The following IL18RAP variants were observed in gnomAD, a reference collection of about 807,000 sequenced individuals.
IL18RAP encodes the protein interleukin-18 receptor accessory protein.
In IL18RAP, 37 loss-of-function variants were observed where a neutral mutation model predicts 58.1. That is an observed-to-expected ratio of 0.64 (90% CI 0.49 to 0.84). The LOEUF is 0.84. Ranked by LOEUF, IL18RAP falls within the 40% of genes least tolerant of loss-of-function variation. The pLI is 0.00. For missense variants in IL18RAP, 667 were observed against 704.8 expected, an observed-to-expected ratio of 0.95 and a Z score of 0.61; for synonymous variants, 268 against 257.5, an observed-to-expected ratio of 1.04 and a Z score of -0.39.
intron 7 of IL18RAP, among the ~76,000 whole-genome samples, chr2:102,446,228 A>G (rs951604886): frequency 1.3e-5 from 2 of 152,238 alleles, no homozygotes; most frequent in African/African-American, 4.8e-5. Flanking sequence ...CACCCTGATC[A>G]GGAACTGCCC....
upstream of IL18RAP, among the ~76,000 whole-genome samples, chr2:102,419,980 A>G (rs369667171): frequency 6.6e-6 from 1 of 152,248 alleles, no homozygotes; most frequent in Admixed American, 6.5e-5. Flanking sequence ...CCAGTGCTCA[A>G]TAAATGATGT....
chr2:102,427,108 A>G (rs1682000053), intron 3 of IL18RAP, among the ~76,000 whole-genome samples: 1 of 152,106 alleles, frequency 6.6e-6, no homozygotes, highest in Non-Finnish European at 1.5e-5. Flanking sequence ...GCTGAATAGT[A>G]TTTCGTTGCA....
At chr2:102,435,232 T>C (rs980844544) in intron 3 of IL18RAP, 2 of 152,192 alleles carry the variant, frequency 1.3e-5, no homozygotes, top group Non-Finnish European at 2.9e-5. Flanking sequence ...GTGGTTCTCA[T>C]GATGGTTATG....
rs1346079765 is a variant in IL18RAP, at chr2:102,447,077, C to A, written c.1080C>A (p.Leu360=). The A allele has an allele frequency of 6.2e-7, 1 of 1,613,906 alleles. No homozygotes were observed. The highest frequency in any genetic ancestry group is 2.2e-5 in the East Asian group (1 of 44,870). ...VQLKEKRGVV[L]LYILLGTIGT... The stretch of plus-strand genomic sequence containing the variant: ...CTGGCCCTGTCTCCACAGTGGTGCT[C>A]CTGTACATCCTGCTTGGCACCATCG... The change falls in exon 8 of 10, where the codon CTC becomes CTA. Residue 360 remains leucine, a synonymous_variant. Coordinates refer to ENST00000687160, the MANE Select transcript of IL18RAP (RefSeq NM_001393487.1).
chr2:102,441,315 G>A lies in IL18RAP; in HGVS notation c.734G>A (p.Gly245Glu). Residue 245 changes from glycine to glutamate, a missense_variant, in exon 5 of 10, where the codon GGA becomes GAA. Coordinates refer to ENST00000687160, the MANE Select transcript of IL18RAP (RefSeq NM_001393487.1). ...RAVVQVRTIV[G>E]DTKLKPDILD... ...AATCTTTGTTTTCATCTTTCAGTGG[G>A]AGACACTAAACTCAAACCAGATATT... 1 of 1,612,634 alleles carries A rather than the reference G, an allele frequency of 6.2e-7. No homozygotes were observed. Among genetic ancestry groups the A allele is most frequent in the Non-Finnish European group, 8.5e-7 (1 of 1,178,862 alleles).
rs200593337 is a variant in IL18RAP, at chr2:102,451,837, G to A, written c.1456G>A (p.Val486Ile). Residue 486 changes from valine (V) to isoleucine (I), a missense_variant, in exon 10 of 10, where the codon GTC becomes ATC. Transcript: ENST00000687160. ...RGIFILSPNYVNGPSIFELQA... is the reference protein window; with the variant it reads ...RGIFILSPNYINGPSIFELQA... The stretch of plus-strand genomic sequence containing the variant: ...AATATTTATCTTGAGCCCCAACTAT[G>A]TCAATGGACCCAGTATCTTTGAACT... The A allele has an allele frequency of 7.0e-5, 113 of 1,613,978 alleles. No homozygotes were observed. Among genetic ancestry groups the A allele is most frequent in the Non-Finnish European group, 8.8e-5 (104 of 1,179,938 alleles).
At chr2:102,422,754 A>G (rs572196069), upstream of IL18RAP, among the ~76,000 whole-genome samples, 1 of 152,298 alleles carries the variant, frequency 6.6e-6, no homozygotes, top group South Asian at 2.1e-4. Flanking sequence ...AGAATAGACT[A>G]GTATATGCAA....
Position 102,452,225 on chromosome 2 carries a change from ATGT to A in IL18RAP, c.*47_*49del. ...CTCCAGTCCAGTCCCTGGGATAGAG[ATGT>A]TGCTGGACAGAACTCACAGCTCTGT... On this transcript the variant is annotated 3_prime_UTR_variant, in exon 10 of 10. Transcript: ENST00000687160. The A allele has an allele frequency of 6.6e-7, 1 of 1,515,496 alleles. No individual in the cohort carries two copies. Among genetic ancestry groups the A allele is most frequent in the Admixed American group, 2.1e-5 (1 of 47,178 alleles). 93.9% of individuals were successfully genotyped at this position (1,515,496 alleles called of 1,614,324 possible). A position where few individuals can be genotyped will look rare whatever the true frequency, so the allele number is the denominator to read the frequency against.
At chr2:102,433,779 C>T (rs545422184) in intron 3 of IL18RAP, among the ~76,000 whole-genome samples, 1 of 152,098 alleles carries the variant, frequency 6.6e-6, no homozygotes, top group South Asian at 2.1e-4. Flanking sequence ...CTCCTGACCT[C>T]AGGTGATCCA....
At chr2:102,446,700 C>T (rs1456626956) in intron 7 of IL18RAP, among the ~76,000 whole-genome samples, 1 of 151,256 alleles carries the variant, frequency 6.6e-6, no homozygotes, top group Non-Finnish European at 1.5e-5. Context: ...ACTTGGGAGG[C>T]TGAGGCAGGA....
At position 102,452,230 on chromosome 2, in the gene IL18RAP, G is replaced by A; in HGVS notation, c.*49G>A. 1 of 1,501,200 alleles carries A rather than the reference G, an allele frequency of 6.7e-7. No homozygotes were observed. Among genetic ancestry groups the A allele is most frequent in the Non-Finnish European group, 9.0e-7 (1 of 1,114,722 alleles). 93.0% of individuals were successfully genotyped at this position (1,501,200 alleles called of 1,614,324 possible). On this transcript the variant is annotated 3_prime_UTR_variant, in exon 10 of 10. Coordinates refer to ENST00000687160, the MANE Select transcript of IL18RAP (RefSeq NM_001393487.1). Reference sequence around the variant, plus strand: ...GTCCAGTCCCTGGGATAGAGATGTTGCTGGACAGAACTCACAGCTCTGTGT... The same window carrying A: ...GTCCAGTCCCTGGGATAGAGATGTTACTGGACAGAACTCACAGCTCTGTGT...
intron 3 of IL18RAP, among the ~76,000 whole-genome samples, chr2:102,431,880 CT>C (rs1411172420): frequency 6.6e-6 from 1 of 151,856 alleles, no homozygotes; most frequent in African/African-American, 2.4e-5. Context: ...TCCTAAACTA[CT>C]TTAAGAGGAT....
At chr2:102,423,620 C>A (rs1681724484) in intron 1 of IL18RAP, among the ~76,000 whole-genome samples, 191 bp from the exon 2 acceptor site, 2 of 152,166 alleles carry the variant, frequency 1.3e-5, no homozygotes, top group Admixed American at 1.3e-4. Flanking sequence ...ACCAGGGCTG[C>A]TGCTGGTATG....
intron 6 of IL18RAP, among the ~76,000 whole-genome samples, chr2:102,444,630 T>A (rs934102829): frequency 2.0e-5 from 3 of 152,202 alleles, no homozygotes; most frequent in African/African-American, 7.2e-5. Flanking sequence ...GAACTCAAAT[T>A]GTGAATAAAT....
intron 6 of IL18RAP, among the ~76,000 whole-genome samples, chr2:102,444,744 G>C (rs894228608): frequency 1.3e-5 from 2 of 152,266 alleles, no homozygotes; most frequent in Admixed American, 6.5e-5. Flanking sequence ...CACCTTCTTT[G>C]CCTTGTCCTT....
intron 1 of IL18RAP, 26 bp from the exon 2 acceptor site, chr2:102,423,785 T>C (rs770263971): frequency 1.6e-6 from 2 of 1,269,786 alleles, no homozygotes; most frequent in South Asian, 2.5e-5. Flanking sequence ...TGTGTTTCCA[T>C]GTGCTTTGTT....
At chr2:102,429,412 T>C (rs1257851705) in intron 3 of IL18RAP, among the ~76,000 whole-genome samples, 1 of 152,028 alleles carries the variant, frequency 6.6e-6, no homozygotes, top group African/African-American at 2.4e-5. Context: ...GTATTGGTTG[T>C]AATGTCTACT....
intron 8 of IL18RAP, among the ~76,000 whole-genome samples, chr2:102,448,640 C>A (rs1161261885): frequency 6.6e-6 from 1 of 151,970 alleles, no homozygotes; most frequent in African/African-American, 2.4e-5. Flanking sequence ...TTGTCAGATC[C>A]CTGGGGGAAG....
chr2:102,452,020 C>T lies in IL18RAP; in HGVS notation c.1639C>T (p.Pro547Ser). ...TTGGAGAGGCTTAAAATCAGTTCCT[C>T]CCAATTCTAGGTTCTGGGCCAAAAT... ...VTWRGLKSVPPNSRFWAKMRY... is the reference protein window; with the variant it reads ...VTWRGLKSVPSNSRFWAKMRY... Residue 547 changes from proline to serine, a missense_variant, in exon 10 of 10, where the codon CCC (proline) becomes TCC (serine). Physicochemically the swap from Pro to Ser is moderately conservative, Grantham distance 74 (BLOSUM62 -1). Transcript: ENST00000687160. The T allele has an allele frequency of 1.2e-6, 2 of 1,614,154 alleles. No homozygotes were observed. Among genetic ancestry groups the T allele is most frequent in the Non-Finnish European group, 1.7e-6 (2 of 1,180,044 alleles).
Sources: allele counts gnomAD v4.1 joint callset (sites outside exome capture counted in the v4.1 genomes callset), GRCh38; gene constraint gnomAD v4.1.1; transcripts MANE v1.5; gene names NCBI Gene and HGNC (gene_info 2026-07-23, HGNC 2026-07-21).